ZNF316: variants seen among roughly 807,000 people sequenced by gnomAD.
ZNF316 encodes zinc finger protein 316.
Under a neutral mutation model 75.6 loss-of-function variants are expected in ZNF316, and 23 were observed. The ratio of observed to expected loss-of-function variants is 0.30; its 90% CI spans 0.22 to 0.43. ZNF316 has a LOEUF of 0.43. Ranked by LOEUF, ZNF316 falls within the 20% of genes least tolerant of loss-of-function variation. The pLI is 1.00. For synonymous variants in ZNF316, 827 were observed against 666.2 expected, an observed-to-expected ratio of 1.24 and a Z score of -3.72; for missense variants, 1,266 against 1,409.4, an observed-to-expected ratio of 0.90 and a Z score of 1.63.
At chr7:6,645,899 C>G (rs1779392974) in intron 8 of ZNF316, among the ~76,000 whole-genome samples, 1 of 147,318 alleles carries the variant, frequency 6.8e-6, no homozygotes, top group African/African-American at 2.5e-5. Context: ...GAGGCTGAGG[C>G]AGAAGAATCA....
At chr7:6,647,170 AC>A (rs145638044) in intron 8 of ZNF316, among the ~76,000 whole-genome samples, 3,643 of 151,578 alleles carry the variant, frequency 0.024, 129 homozygotes, top group African/African-American at 0.083. Context: ...TCCGAGATGG[AC>A]CCCCTCAGCC....
In ZNF316 at chr7:6,644,643, G is replaced by C. The variant is rs192060413; in HGVS notation, c.706+50G>C. On this transcript the variant is annotated intron_variant, in intron 8 of 8. Coordinates refer to ENST00000382252, the MANE Select transcript of ZNF316 (RefSeq NM_001278559.2). ...TTTGTGCCGATAGCTTCTCAGAGCT[G>C]TTGTCAAACTTTGGCCTTCACTGCG... 7.6e-5 allele frequency: 85 copies of C among 1,113,250 alleles called. No homozygotes were observed. The African/African-American group carries it at 1.2e-3, about 16-fold the overall frequency. The allele number at this position is 1,113,250 out of a possible 1,614,324, so 69.0% of individuals were successfully genotyped here.
chr7:6,654,260 G>C lies in ZNF316; in HGVS notation c.2664G>C (p.Pro888=). The C allele has an allele frequency of 8.2e-7, 1 of 1,223,260 alleles. No homozygotes were observed. Among genetic ancestry groups the C allele is most frequent in the South Asian group, 3.9e-5 (1 of 25,458 alleles). 75.8% of individuals were successfully genotyped at this position (1,223,260 alleles called of 1,614,324 possible). Residue 888 remains proline, a synonymous_variant, in exon 9 of 9, where the codon CCG becomes CCC. Coordinates refer to ENST00000382252, the MANE Select transcript of ZNF316 (RefSeq NM_001278559.2). ...RRGHTGERPF[P]CPECGKRFSQ... ...GCCACACGGGCGAACGCCCCTTCCC[G>C]TGCCCTGAGTGCGGCAAGCGCTTTT...
chr7:6,652,293 T>A lies in ZNF316; in HGVS notation c.707-10T>A, dbSNP rs1488733725. On this transcript the variant is annotated splice_polypyrimidine_tract_variant and intron_variant, in intron 8 of 8. Transcript: ENST00000382252. ...ACCTCTCTCTTCTGGCCTGCCTTTG[T>A]CACCTTCAGGAGCCTGGTTCTGGAC... The A allele has an allele frequency of 8.1e-7, 1 of 1,232,326 alleles. No homozygotes were observed. Among genetic ancestry groups the A allele is most frequent in the Non-Finnish European group, 1.0e-6 (1 of 988,044 alleles). 76.3% of individuals were successfully genotyped at this position (1,232,326 alleles called of 1,614,324 possible).
intron 8 of ZNF316, among the ~76,000 whole-genome samples, chr7:6,646,409 C>G (rs1779404232): frequency 6.6e-6 from 1 of 152,186 alleles, no homozygotes; most frequent in East Asian, 1.9e-4. Flanking sequence ...TACTTGTGCT[C>G]CTGTTCTCTG....
chr7:6,643,245 C>G, intron 6 of ZNF316, among the ~76,000 whole-genome samples, 172 bp downstream of exon 6: 1 of 152,186 alleles, frequency 6.6e-6, no homozygotes, highest in East Asian at 1.9e-4. Flanking sequence ...GGTGTCCAGC[C>G]CCAAGCCCGG....
intron 8 of ZNF316, among the ~76,000 whole-genome samples, chr7:6,647,122 C>A (rs561115590): frequency 5.9e-5 from 9 of 152,206 alleles, no homozygotes; most frequent in African/African-American, 1.9e-4. Flanking sequence ...ATTGGCCTGG[C>A]GGGCCAGCCC....
chr7:6,652,441 C>T lies in ZNF316; in HGVS notation c.845C>T (p.Thr282Met), dbSNP rs990006641. Reference protein sequence around the residue: ...AAYGVGDVPGTWGPDDSDSAQ... With the variant: ...AAYGVGDVPGMWGPDDSDSAQ... ...TACGGCGTGGGGGACGTGCCTGGGA[C>T]GTGGGGGCCCGACGACTCGGATTCG... The change falls in exon 9 of 9, where the codon ACG (threonine) becomes ATG (methionine). Residue 282 changes from threonine to methionine, a missense_variant. Physicochemically the swap from Thr to Met is moderately conservative, Grantham distance 81 (BLOSUM62 -1). Transcript: ENST00000382252. The T allele has an allele frequency of 3.2e-6, 4 of 1,231,888 alleles. No individual in the cohort carries two copies. Among genetic ancestry groups the T allele is most frequent in the East Asian group, 3.2e-5 (1 of 31,688 alleles). The allele number at this position is 1,231,888 out of a possible 1,614,324, so 76.3% of individuals were successfully genotyped here.
rs1317614370 is a variant in ZNF316 at position 6,655,294 on chromosome 7, G to C, written c.*683G>C. The C allele has an allele frequency of 7.1e-6, 1 of 140,468 alleles. No homozygotes were observed. The highest frequency in any genetic ancestry group is 1.6e-5 in the Non-Finnish European group (1 of 64,042). 8.7% of individuals were successfully genotyped at this position (140,468 alleles called of 1,614,324 possible). ...ATACCAAACTTACGGCCAGGCAGACGGGTCGCGGGTGTTGACAGGGTCCTG... is the reference window on the plus strand; with the variant it reads ...ATACCAAACTTACGGCCAGGCAGACCGGTCGCGGGTGTTGACAGGGTCCTG... On this transcript the variant is annotated 3_prime_UTR_variant, in exon 9 of 9. Transcript: ENST00000382252.
In ZNF316 at chr7:6,652,400, G is replaced by T; in HGVS notation, c.804G>T (p.Gly268=). 1 of 1,232,366 alleles carries T rather than the reference G, an allele frequency of 8.1e-7. No homozygotes were observed. The highest frequency in any genetic ancestry group is 1.0e-6 in the Non-Finnish European group (1 of 988,132). 76.3% of individuals were successfully genotyped at this position (1,232,366 alleles called of 1,614,324 possible). Residue 268 remains glycine (G), a synonymous_variant, in exon 9 of 9, where the codon GGG becomes GGT. Transcript: ENST00000382252. The part of the protein sequence containing the change: ...EVAEEENEPP[G]LWSAAYGVGD... ...CCGAGGAGGAGAACGAGCCCCCAGG[G>T]CTCTGGTCGGCGGCCTACGGCGTGG...
At position 6,657,147 on chromosome 7, in the gene ZNF316, C is replaced by G. The variant is rs935322688; in HGVS notation, c.*2536C>G. ...TAGCTGGGATTACAGGCATGTGCCACCATGCCCAGCGAGTTTTTTTGTATT... is the reference window on the plus strand; with the variant it reads ...TAGCTGGGATTACAGGCATGTGCCAGCATGCCCAGCGAGTTTTTTTGTATT... On this transcript the variant is annotated 3_prime_UTR_variant, in exon 9 of 9. Transcript: ENST00000382252. Among the ~76,000 whole-genome samples the G allele has an allele frequency of 1.3e-5, 2 of 151,922 alleles. No homozygotes were observed. Among genetic ancestry groups the G allele is most frequent in the African/African-American group, 4.8e-5 (2 of 41,366 alleles).
Position 6,643,875 on chromosome 7 carries a change from A to G in ZNF316, c.519A>G (p.Glu173=). 8.1e-7 allele frequency: 1 copy of G among 1,238,290 alleles called. No individual in the cohort carries two copies. The highest frequency in any genetic ancestry group is 1.0e-6 in the Non-Finnish European group (1 of 992,054). The allele number at this position is 1,238,290 out of a possible 1,614,324, so 76.7% of individuals were successfully genotyped here. ...TGTACTTCTCCCTGGAGGAGTGGGA[A>G]AGGCTGGAAGCAGACCAGCGGGGCC... ...VAVYFSLEEW[E]RLEADQRGLY... is the part of the protein sequence containing the mutation. Residue 173 remains glutamate (E), a synonymous_variant, in exon 7 of 9, where the codon GAA becomes GAG. Transcript: ENST00000382252.
At position 6,654,612 on chromosome 7, in the gene ZNF316, G is replaced by A; in HGVS notation, c.*1G>A. ...CGCCTACCGGGAGGGCGTCCTGTGA[G>A]GGGCCCGGGGCCGACAGCAGCGCAG... On this transcript the variant is annotated 3_prime_UTR_variant, in exon 9 of 9. Transcript: ENST00000382252. 8.4e-7 allele frequency: 1 copy of A among 1,185,344 alleles called. No homozygotes were observed. The highest frequency in any genetic ancestry group is 1.0e-6 in the Non-Finnish European group (1 of 958,006). 73.4% of individuals were successfully genotyped at this position (1,185,344 alleles called of 1,614,324 possible). A position where few individuals can be genotyped will look rare whatever the true frequency, so the allele number is the denominator to read the frequency against.
At chr7:6,647,728 G>A (rs1461961119) in intron 8 of ZNF316, among the ~76,000 whole-genome samples, 1 of 152,244 alleles carries the variant, frequency 6.6e-6, no homozygotes, top group Non-Finnish European at 1.5e-5. Flanking sequence ...ATGGGCAGAG[G>A]TTGCCCAGGA....
Position 6,640,710 on chromosome 7 carries a change from T to C in ZNF316, c.-166-1115T>C, listed in dbSNP as rs1244550008. Among the ~76,000 whole-genome samples, 3 of 152,188 alleles carry C rather than the reference T, an allele frequency of 2.0e-5. No homozygotes were observed. Among genetic ancestry groups the C allele is most frequent in the African/African-American group, 7.2e-5 (3 of 41,454 alleles). On this transcript the variant is annotated intron_variant, in intron 3 of 8. Transcript: ENST00000382252. This position sits in a 1 kb window ranked among gnomAD's most constrained non-coding sequence, Gnocchi z 5.1. The stretch of plus-strand genomic sequence containing the variant: ...GAGGCGGGCCTGCTGGGAGGTGATT[T>C]CCAGTGTTGGAGGTGGGCCTGGTGG...
chr7:6,643,122 C>T, intron 6 of ZNF316, 49 bp downstream of exon 6: 3 of 1,232,240 alleles, frequency 2.4e-6, no homozygotes, highest in Non-Finnish European at 2.0e-6. Flanking sequence ...GCAGGGTTTC[C>T]CCCGGGGCCT....
At position 6,653,642 on chromosome 7, in the gene ZNF316, C is replaced by T. The variant is rs1487602712; in HGVS notation, c.2046C>T (p.Ala682=). The T allele has an allele frequency of 3.8e-6, 4 of 1,066,558 alleles. No individual in the cohort carries two copies. Among genetic ancestry groups the T allele is most frequent in the Non-Finnish European group, 4.5e-6 (4 of 880,768 alleles). The allele number at this position is 1,066,558 out of a possible 1,614,324, so 66.1% of individuals were successfully genotyped here. A position where few individuals can be genotyped will look rare whatever the true frequency, so the allele number is the denominator to read the frequency against. The change falls in exon 9 of 9, where the codon GCC becomes GCT. Residue 682 remains alanine (A), a synonymous_variant. Transcript: ENST00000382252. ...GTCTGCTGGCGGAGCCCGCGCCGGC[C>T]GCGCTGGCGGAGGAGGAGAGCCCGT... ...IGGLLAEPAP[A]ALAEEESPWI... is the part of the protein sequence containing the mutation.
rs956034294 is a variant in ZNF316, at chr7:6,654,670, C to A, written c.*59C>A. 1.7e-5 allele frequency: 20 copies of A among 1,146,486 alleles called. No individual in the cohort carries two copies. The highest frequency in any genetic ancestry group is 1.6e-4 in the African/African-American group (10 of 60,798). 71.0% of individuals were successfully genotyped at this position (1,146,486 alleles called of 1,614,324 possible). The stretch of plus-strand genomic sequence containing the variant: ...GGCCACCGGCCCCTCCCTTGGACGG[C>A]CGGCCCCCCGCTCCTCGGGCCCCGG... On this transcript the variant is annotated 3_prime_UTR_variant, in exon 9 of 9. Transcript: ENST00000382252.
At chr7:6,650,704 C>T (rs1779492586) in intron 8 of ZNF316, among the ~76,000 whole-genome samples, 1 of 152,142 alleles carries the variant, frequency 6.6e-6, no homozygotes, top group African/African-American at 2.4e-5. Context: ...GCAGGGGACC[C>T]AGGTGGGGTG....
Sources: gnomAD v4.1 joint callset for allele counts (sites outside exome capture counted in the v4.1 genomes callset) on GRCh38, gnomAD v4.1.1 for gene constraint, Gnocchi (gnomAD v3.1) non-coding constraint, MANE v1.5 for transcripts, NCBI Gene and HGNC (gene_info 2026-07-23, HGNC 2026-07-21) for gene names.